The following RBFOX1 variants were observed in gnomAD, a reference collection of about 807,000 sequenced individuals.
The protein encoded by RBFOX1 is RNA binding fox-1 homolog 1.
In RBFOX1, 8 loss-of-function variants were observed where a neutral mutation model predicts 57.7. The ratio of observed to expected loss-of-function variants is 0.14; its 90% confidence interval spans 0.08 to 0.25. RBFOX1 has a LOEUF of 0.25. Among genes scored for constraint, RBFOX1 ranks in the 10% least tolerant of loss-of-function variants. The pLI is 1.00. For missense variants in RBFOX1, 611 were observed against 548.5 expected, an observed-to-expected ratio of 1.11 and a Z score of -1.14; for synonymous variants, 326 against 222.4, an observed-to-expected ratio of 1.47 and a Z score of -4.15.
In RBFOX1 at chr16:7,169,916, T is replaced by TA. The variant is rs1304288581; in HGVS notation, c.27+117826dup. Among the ~76,000 whole-genome samples the TA allele has an allele frequency of 3.3e-4, 50 of 151,220 alleles. No individual in the cohort carries two copies. In the Middle Eastern group the frequency reaches 0.024, roughly 73 times the overall value. ...CAAGACCCTATCTCTACAAAAAAAATAAAAAAAATAGCTGGGCATGGTGAC... is the reference window on the plus strand; with the variant it reads ...CAAGACCCTATCTCTACAAAAAAAATAAAAAAAAATAGCTGGGCATGGTGAC... On this transcript the variant is annotated intron_variant, in intron 4 of 15. Coordinates refer to ENST00000550418, the MANE Select transcript of RBFOX1 (RefSeq NM_018723.4).
chr16:6,132,024 G>A (rs1257346603), intron 1 of RBFOX1, among the ~76,000 whole-genome samples: 2 of 152,166 alleles, frequency 1.3e-5, no homozygotes, highest in Non-Finnish European at 2.9e-5. Flanking sequence ...AGCATATATT[G>A]TTTAGTATGA....
At chr16:5,873,281 C>G (rs1184381600) in intron 4 of RBFOX1, among the ~76,000 whole-genome samples, 1 of 152,132 alleles carries the variant, frequency 6.6e-6, no homozygotes, top group African/African-American at 2.4e-5. Flanking sequence ...TGTATCCTGC[C>G]CTAACCAGAC....
intron 2 of RBFOX1, among the ~76,000 whole-genome samples, chr16:5,476,682 G>T (rs746769915): frequency 2.2e-4 from 34 of 152,214 alleles, no homozygotes; most frequent in Non-Finnish European, 4.4e-4. Context: ...AATATGATTT[G>T]CTCCATGGAT....
intron 4 of RBFOX1, among the ~76,000 whole-genome samples, chr16:7,431,567 A>T (rs1034809184): frequency 3.3e-5 from 5 of 152,150 alleles, no homozygotes; most frequent in Non-Finnish European, 5.9e-5. Context: ...TTTTATTTTT[A>T]AAAAATGCTG....
chr16:6,618,253 G>T (rs1200524382), intron 2 of RBFOX1, among the ~76,000 whole-genome samples: 1 of 152,150 alleles, frequency 6.6e-6, no homozygotes, highest in African/African-American at 2.4e-5. Context: ...ATATGATTAT[G>T]TGTATACCCT....
intron 3 of RBFOX1, among the ~76,000 whole-genome samples, chr16:6,839,021 G>T (rs150303057): frequency 6.6e-6 from 1 of 151,276 alleles, no homozygotes; most frequent in East Asian, 1.9e-4. Context: ...GTCTTGCTCT[G>T]TCGACGAGGC....
At chr16:7,349,667 G>A (rs1034158095) in intron 4 of RBFOX1, among the ~76,000 whole-genome samples, 4 of 152,102 alleles carry the variant, frequency 2.6e-5, no homozygotes, top group Admixed American at 1.3e-4. Flanking sequence ...TCAGAAAGAC[G>A]GATGGCTGTG....
intron 2 of RBFOX1, among the ~76,000 whole-genome samples, chr16:6,448,311 C>T (rs1036647356): frequency 6.6e-6 from 1 of 151,710 alleles, no homozygotes; most frequent in Non-Finnish European, 1.5e-5. Flanking sequence ...AGGTGTGTGC[C>T]ACCACACCCA....
At chr16:7,191,374 C>T (rs1254097536) in intron 4 of RBFOX1, among the ~76,000 whole-genome samples, 1 of 151,616 alleles carries the variant, frequency 6.6e-6, no homozygotes, top group Non-Finnish European at 1.5e-5. Context: ...TACAATATTT[C>T]CTGGATGCTT....
At chr16:6,362,449 A>G (rs1207032871) in intron 2 of RBFOX1, among the ~76,000 whole-genome samples, 2 of 152,192 alleles carry the variant, frequency 1.3e-5, no homozygotes, top group African/African-American at 4.8e-5. Flanking sequence ...AGACTTAGGC[A>G]AGGTGCTAAA....
Position 6,853,494 on chromosome 16 carries a change from G to C in RBFOX1, c.-15-198563G>C, listed in dbSNP as rs184271493. The stretch of plus-strand genomic sequence containing the variant: ...GGATGGTGCCTACAGTGTGGTGCTC[G>C]AGGACAATCCCTGTCTGCTTGGGAC... On this transcript the variant is annotated intron_variant, in intron 3 of 15. Transcript: ENST00000550418. 1.6e-3 allele frequency among the ~76,000 whole-genome samples: 249 copies of C among 152,128 alleles called. 1 individual carries two copies. The highest frequency in any genetic ancestry group is 6.8e-3 in the Middle Eastern group (2 of 294).
At chr16:5,697,839 C>G (rs1033223452) in intron 3 of RBFOX1, among the ~76,000 whole-genome samples, 9 of 152,110 alleles carry the variant, frequency 5.9e-5, no homozygotes, top group Non-Finnish European at 1.2e-4. Context: ...GGGAGTCCAT[C>G]TATAGTTTCA....
chr16:7,129,962 A>C (rs1211897877), intron 4 of RBFOX1, among the ~76,000 whole-genome samples: 2 of 152,040 alleles, frequency 1.3e-5, no homozygotes, highest in East Asian at 3.9e-4. Context: ...ATTTGCCAGC[A>C]ATACCAAATA....
rs557909101 is a variant in RBFOX1, at chr16:5,699,056, C to T, written c.318+100095C>T. On this transcript the variant is annotated intron_variant, in intron 3 of 19. Coordinates refer to the RBFOX1 transcript ENST00000641259. ...GGGCTGGAATGCGATGGCATGATCT[C>T]GGCTCACTGCAACCTCCATCTCATG... is the stretch of plus-strand genomic sequence containing the variant. Among the ~76,000 whole-genome samples the T allele has an allele frequency of 4.0e-5, 6 of 148,610 alleles. No homozygotes were observed. The East Asian group carries it at 6.0e-4, about 15-fold the overall frequency.
At chr16:7,268,708 T>C (rs1201068005) in intron 4 of RBFOX1, among the ~76,000 whole-genome samples, 1 of 152,060 alleles carries the variant, frequency 6.6e-6, no homozygotes, top group Non-Finnish European at 1.5e-5. Flanking sequence ...AGAGCCTCCT[T>C]GGGACTAGCC....
intron 2 of RBFOX1, among the ~76,000 whole-genome samples, chr16:6,581,941 G>A (rs1412267850): frequency 6.6e-6 from 1 of 152,120 alleles, no homozygotes; most frequent in Non-Finnish European, 1.5e-5. Flanking sequence ...TATGAAACCG[G>A]GGCATTTTTG....
In RBFOX1 at chr16:5,512,495, G is replaced by T. The variant is rs567314974; in HGVS notation, c.258+45241G>T. 2.0e-5 allele frequency among the ~76,000 whole-genome samples: 3 copies of T among 152,030 alleles called. No individual in the cohort carries two copies. The East Asian group carries it at 5.8e-4, about 29-fold the overall frequency. ...TGTGTGTGGAGGTGAGCTATAGGGT[G>T]TTGGTTTAAACACAATCATCACAAT... On this transcript the variant is annotated intron_variant, in intron 2 of 2. Coordinates refer to the RBFOX1 transcript ENST00000585867.
intron 2 of RBFOX1, among the ~76,000 whole-genome samples, chr16:6,515,178 A>G (rs1169527965): frequency 1.3e-5 from 2 of 152,106 alleles, no homozygotes; most frequent in African/African-American, 2.4e-5. Context: ...TTCTCCTGTA[A>G]TGTTCACTCT....
intron 3 of RBFOX1, among the ~76,000 whole-genome samples, chr16:6,856,243 G>A (rs1282450597): frequency 6.6e-6 from 1 of 152,122 alleles, no homozygotes; most frequent in Non-Finnish European, 1.5e-5. Context: ...CATCAAGGCA[G>A]CCTCCATCTG....
Sources: allele counts gnomAD v4.1 joint callset (sites outside exome capture counted in the v4.1 genomes callset), GRCh38; gene constraint gnomAD v4.1.1; transcripts MANE v1.5; gene names NCBI Gene and HGNC (gene_info 2026-07-23, HGNC 2026-07-21).